PECAM1: variants seen among roughly 807,000 people sequenced by gnomAD.
The protein encoded by PECAM1 is platelet and endothelial cell adhesion molecule 1.
Under a neutral mutation model 13.8 loss-of-function variants are expected in PECAM1, and 8 were observed. That is an observed-to-expected ratio of 0.58 (90% CI 0.34 to 1.05). The LOEUF is 1.05. PECAM1 is among the 50% of genes least tolerant of loss of function. PECAM1 has a pLI of 0.03. For missense variants in PECAM1, 304 were observed against 141.2 expected (o/e 2.15, Z -5.84); for synonymous variants, 136 against 52.6 (o/e 2.58, Z -6.86).
At chr17:64,349,981 G>A (rs1469726480) in intron 12 of PECAM1, among the ~76,000 whole-genome samples, 1 of 152,208 alleles carries the variant, frequency 6.6e-6, no homozygotes, top group Non-Finnish European at 1.5e-5. Flanking sequence ...AGCCCAGAGC[G>A]AAAGGAATTT....
intron 11 of PECAM1, 149 bp from the exon 12 acceptor site, chr17:64,350,582 T>C (rs2035695806): frequency 2.5e-6 from 1 of 403,110 alleles, no homozygotes; most frequent in South Asian, 1.4e-4. Flanking sequence ...GGTCCCCTCG[T>C]TGGCCCTCCT....
Position 64,322,096 on chromosome 17 carries a change from A to C in PECAM1, c.*1720T>G. 9.2e-7 allele frequency: 1 copy of C among 1,092,258 alleles called. No individual in the cohort carries two copies. Among genetic ancestry groups the C allele is most frequent in the Non-Finnish European group, 1.1e-6 (1 of 883,432 alleles). The allele number at this position is 1,092,258 out of a possible 1,614,324, so 67.7% of individuals were successfully genotyped here. On this transcript the variant is annotated 3_prime_UTR_variant, in exon 16 of 16. Coordinates refer to ENST00000563924, the MANE Select transcript of PECAM1 (RefSeq NM_000442.5). Reference sequence around the variant, plus strand: ...ATTGTCAAAAGAGTCTAGGCTGGGCATGGTGGCTCACGCCTGCAATCCCAA... The same window carrying C: ...ATTGTCAAAAGAGTCTAGGCTGGGCCTGGTGGCTCACGCCTGCAATCCCAA...
chr17:64,372,153 A>G (rs2036256832), intron 4 of PECAM1, among the ~76,000 whole-genome samples: 1 of 152,124 alleles, frequency 6.6e-6, no homozygotes, highest in African/African-American at 2.4e-5. Context: ...TCATGCCTGC[A>G]ATCCTAGCAC....
In PECAM1 at chr17:64,321,841, C is replaced by T. The variant is rs782508339; in HGVS notation, c.*1975G>A. 4.4e-5 allele frequency: 59 copies of T among 1,349,292 alleles called. No individual in the cohort carries two copies. The highest frequency in any genetic ancestry group is 2.1e-4 in the Middle Eastern group (1 of 4,782). The allele number at this position is 1,349,292 out of a possible 1,614,324, so 83.6% of individuals were successfully genotyped here. A position where few individuals can be genotyped will look rare whatever the true frequency, so the allele number is the denominator to read the frequency against. On this transcript the variant is annotated 3_prime_UTR_variant, in exon 16 of 16. Transcript: ENST00000563924. Reference sequence around the variant, plus strand: ...AGTAGGAATAGGGTCTTTGCAGCTCCCGTGGCAATTGCCCTTCTCTGGTGG... The same window carrying T: ...AGTAGGAATAGGGTCTTTGCAGCTCTCGTGGCAATTGCCCTTCTCTGGTGG...
intron 10 of PECAM1, among the ~76,000 whole-genome samples, 196 bp from the exon 11 acceptor site, chr17:64,352,659 C>CTT (rs1194634725): frequency 6.8e-6 from 1 of 146,286 alleles, no homozygotes. Context: ...TGTAAAAAAA[C>CTT]TTTTTTTTTT....
chr17:64,364,457 C>A (rs1346343563), intron 5 of PECAM1, among the ~76,000 whole-genome samples: 1 of 152,158 alleles, frequency 6.6e-6, no homozygotes, highest in Non-Finnish European at 1.5e-5. Context: ...AGAGGGAATC[C>A]TCCCTCAGGA....
chr17:64,334,734 C>T (rs2035225225), intron 14 of PECAM1, among the ~76,000 whole-genome samples: 1 of 152,102 alleles, frequency 6.6e-6, no homozygotes, highest in Non-Finnish European at 1.5e-5. Context: ...GTCTCGATCT[C>T]CTGACCTCAT....
chr17:64,349,793 G>A (rs2035671866), intron 12 of PECAM1, among the ~76,000 whole-genome samples: 1 of 152,024 alleles, frequency 6.6e-6, no homozygotes. Flanking sequence ...GCTGAGGCAG[G>A]AGAATTGCTT....
chr17:64,341,487 G>A, intron 14 of PECAM1, 147 bp downstream of exon 14: 1 of 398,896 alleles, frequency 2.5e-6, no homozygotes, highest in Non-Finnish European at 4.5e-6. Flanking sequence ...AGGGTGGTGG[G>A]AGAGAGGAAG....
intron 3 of PECAM1, 185 bp downstream of exon 3, chr17:64,377,639 A>AGGGC (rs2036393599): frequency 5.0e-6 from 2 of 403,942 alleles, no homozygotes; most frequent in Non-Finnish European, 4.4e-6. Context: ...GAAGGAAGGA[A>AGGGC]GGGCCTGGCC....
intron 7 of PECAM1, among the ~76,000 whole-genome samples, chr17:64,358,333 A>T (rs1459035679): frequency 6.6e-6 from 1 of 151,950 alleles, no homozygotes; most frequent in African/African-American, 2.4e-5. Context: ...TGGCCAAGCT[A>T]GTCTCAAACT....
intron 15 of PECAM1, among the ~76,000 whole-genome samples, chr17:64,326,988 C>A (rs559465670): frequency 6.6e-6 from 1 of 152,324 alleles, no homozygotes; most frequent in South Asian, 2.1e-4. Flanking sequence ...TTGCAACAAC[C>A]AAGTGAGGGA....
intron 3 of PECAM1, among the ~76,000 whole-genome samples, chr17:64,376,338 AAATTT>A (rs2036358380): frequency 1.0e-4 from 15 of 149,260 alleles, no homozygotes; most frequent in Admixed American, 2.7e-4. Flanking sequence ...ATAAATAAAT[AAATTT>A]AAAAAATAAA....
At chr17:64,376,018 C>A (rs2143869601) in intron 3 of PECAM1, among the ~76,000 whole-genome samples, 1 of 152,128 alleles carries the variant, frequency 6.6e-6, no homozygotes, top group Non-Finnish European at 1.5e-5. Context: ...AAAATCACCA[C>A]TAAGGCCACG....
At chr17:64,325,533 C>A (rs1555645488) in intron 15 of PECAM1, among the ~76,000 whole-genome samples, 1 of 152,142 alleles carries the variant, frequency 6.6e-6, no homozygotes. Context: ...TTTAGGAGTT[C>A]CAGAACAGCC....
intron 10 of PECAM1, 73 bp downstream of exon 10, chr17:64,353,418 T>C: frequency 2.3e-6 from 1 of 431,378 alleles, no homozygotes; most frequent in East Asian, 3.4e-5. Context: ...AACTTCCTAA[T>C]GACCAGAATC....
intron 14 of PECAM1, among the ~76,000 whole-genome samples, chr17:64,334,137 A>AAT (rs1382417420): frequency 1.3e-5 from 2 of 148,996 alleles, no homozygotes; most frequent in African/African-American, 5.0e-5. Flanking sequence ...AAAAAAAAAA[A>AAT]AGCTGTGCTT....
chr17:64,344,516 C>T (rs968337883), intron 13 of PECAM1, among the ~76,000 whole-genome samples: 1 of 152,020 alleles, frequency 6.6e-6, no homozygotes, highest in South Asian at 2.1e-4. Context: ...TTCCTTCCTG[C>T]CCCTCCTCCA....
At chr17:64,389,524 G>C (rs2143928647) in intron 2 of PECAM1, among the ~76,000 whole-genome samples, 1 of 152,254 alleles carries the variant, frequency 6.6e-6, no homozygotes, top group East Asian at 1.9e-4. Context: ...GCTCCAGTGT[G>C]TGATTTTTAT....
Sources: gnomAD v4.1 joint callset for allele counts (sites outside exome capture counted in the v4.1 genomes callset) on GRCh38, gnomAD v4.1.1 for gene constraint, MANE v1.5 for transcripts, NCBI Gene and HGNC (gene_info 2026-07-23, HGNC 2026-07-21) for gene names.